RAP1A: variants seen among roughly 807,000 people sequenced by gnomAD.
The protein encoded by RAP1A is ras-related protein Rap-1A.
RAP1A carries 6 observed loss-of-function variants against 26.4 expected under a neutral mutation model. That is an observed-to-expected ratio of 0.23 (90% confidence interval 0.12 to 0.45). The LOEUF is 0.45. Ranked by LOEUF, RAP1A falls within the 20% of genes least tolerant of loss-of-function variation. The probability of loss-of-function intolerance (pLI) is 0.99; values close to 1 mark genes in which losing one functional copy is unlikely to be tolerated. For synonymous variants in RAP1A, 73 were observed against 79.4 expected (o/e 0.92, Z 0.43); for missense variants, 121 against 217.2 (o/e 0.56, Z 2.78).
chr1:111,544,144 G>A lies in RAP1A; in HGVS notation c.-28+1635G>A, dbSNP rs564168418. On this transcript the variant is annotated intron_variant, in intron 1 of 7. Coordinates refer to the RAP1A transcript ENST00000356415. ...TTCAAACTAACTTATCTCTGTTAAT[G>A]CAATATTATTCTCTAAATTTACGCA... is the stretch of plus-strand genomic sequence containing the variant. Among the ~76,000 whole-genome samples, 5 of 152,226 alleles carry A rather than the reference G, an allele frequency of 3.3e-5. No homozygotes were observed. In the South Asian group the frequency reaches 1.0e-3, roughly 32 times the overall value.
intron 1 of RAP1A, among the ~76,000 whole-genome samples, chr1:111,661,785 C>T (rs1040096045): frequency 1.4e-5 from 2 of 139,432 alleles, no homozygotes; most frequent in African/African-American, 5.4e-5. Flanking sequence ...GGCGACAGAA[C>T]GAAACTCCGT....
At chr1:111,547,411 C>T (rs1049177381) in intron 1 of RAP1A, among the ~76,000 whole-genome samples, 12 of 152,000 alleles carry the variant, frequency 7.9e-5, no homozygotes, top group African/African-American at 2.7e-4. Context: ...TCAAATCAAT[C>T]TTTCATTTCT....
At chr1:111,569,754 T>C (rs1028642222) in intron 1 of RAP1A, among the ~76,000 whole-genome samples, 1 of 152,082 alleles carries the variant, frequency 6.6e-6, no homozygotes, top group African/African-American at 2.4e-5. Context: ...TTCCCAGAAG[T>C]CTTCAGATAG....
At chr1:111,620,772 A>G (rs748394425) in intron 1 of RAP1A, among the ~76,000 whole-genome samples, 2 of 152,096 alleles carry the variant, frequency 1.3e-5, no homozygotes, top group Non-Finnish European at 2.9e-5. Flanking sequence ...TTATCCTTCA[A>G]ACTAGCGGCT....
In RAP1A at chr1:111,714,108, T is replaced by TA. The variant is rs1288881242; in HGVS notation, c.*1710dup. 1.3e-5 allele frequency: 2 copies of TA among 152,382 alleles called. No individual in the cohort carries two copies. The highest frequency in any genetic ancestry group is 2.9e-5 in the Non-Finnish European group (2 of 68,036). 9.4% of individuals were successfully genotyped at this position (152,382 alleles called of 1,614,324 possible). A position where few individuals can be genotyped will look rare whatever the true frequency, so the allele number is the denominator to read the frequency against. On this transcript the variant is annotated 3_prime_UTR_variant, in exon 8 of 8. Coordinates refer to ENST00000369709, the MANE Select transcript of RAP1A (RefSeq NM_002884.4). The stretch of plus-strand genomic sequence containing the variant: ...AGCTTTGACCAACCTGAGAAAATGT[T>TA]AAAGTATTGTTTTTAAAAAAATGGA...
chr1:111,598,245 C>T (rs1658595329), intron 1 of RAP1A, among the ~76,000 whole-genome samples: 2 of 152,196 alleles, frequency 1.3e-5, no homozygotes, highest in Admixed American at 1.3e-4. Context: ...TGAGTGCTTA[C>T]TATGAGACAG....
intron 1 of RAP1A, among the ~76,000 whole-genome samples, chr1:111,607,840 G>A (rs1412120623): frequency 4.2e-5 from 5 of 118,380 alleles, no homozygotes; most frequent in Non-Finnish European, 5.4e-5. Flanking sequence ...CCTCCCTCCC[G>A]GACGGGGCGG....
chr1:111,649,319 G>A (rs1471898716), intron 1 of RAP1A: 14 of 427,552 alleles, frequency 3.3e-5, no homozygotes, highest in South Asian at 2.3e-4. Flanking sequence ...GCATTGAGGC[G>A]TTGCATGGTC....
intron 1 of RAP1A, among the ~76,000 whole-genome samples, chr1:111,575,577 G>A (rs1658132270): frequency 6.6e-6 from 1 of 152,108 alleles, no homozygotes; most frequent in Non-Finnish European, 1.5e-5. Flanking sequence ...TTTATATGTT[G>A]AAGTCAACCC....
intron 1 of RAP1A, among the ~76,000 whole-genome samples, chr1:111,559,395 A>T (rs891446220): frequency 6.6e-6 from 1 of 152,286 alleles, no homozygotes; most frequent in African/African-American, 2.4e-5. Flanking sequence ...CCTAAAAAAA[A>T]TCCTATTCTT....
At chr1:111,632,623 G>T (rs1659600296) in intron 1 of RAP1A, among the ~76,000 whole-genome samples, 1 of 151,948 alleles carries the variant, frequency 6.6e-6, no homozygotes, top group Non-Finnish European at 1.5e-5. Context: ...TTAGATATTG[G>T]AGCCTACGGC....
At chr1:111,617,680 C>T (rs1200973945), upstream of RAP1A, among the ~76,000 whole-genome samples, 2 of 151,210 alleles carry the variant, frequency 1.3e-5, no homozygotes, top group African/African-American at 4.9e-5. Flanking sequence ...GTGATCCACC[C>T]GCCTTGGCCT....
intron 1 of RAP1A, among the ~76,000 whole-genome samples, chr1:111,614,498 T>C (rs1045339856): frequency 6.6e-6 from 1 of 152,260 alleles, no homozygotes; most frequent in African/African-American, 2.4e-5. Flanking sequence ...ATGCTTTTCC[T>C]GTCAGTTCTA....
At chr1:111,628,579 TG>T (rs1659471172) in intron 1 of RAP1A, among the ~76,000 whole-genome samples, 1 of 152,174 alleles carries the variant, frequency 6.6e-6, no homozygotes, top group African/African-American at 2.4e-5. Flanking sequence ...GAAAAGCAGA[TG>T]AATTCGCTTG....
intron 1 of RAP1A, chr1:111,608,143 A>T (rs1437171642): frequency 5.9e-6 from 1 of 170,104 alleles, no homozygotes; most frequent in Non-Finnish European, 1.2e-5. Flanking sequence ...CACTTTTCAG[A>T]CGGGGCGGCT....
intron 1 of RAP1A, among the ~76,000 whole-genome samples, chr1:111,561,150 G>T (rs538565987): frequency 8.5e-5 from 13 of 152,130 alleles, no homozygotes; most frequent in Non-Finnish European, 1.6e-4. Context: ...TTGAGACAGG[G>T]TCTCCCTCTG....
chr1:111,569,035 A>G (rs1385283482), intron 1 of RAP1A, among the ~76,000 whole-genome samples: 1 of 152,192 alleles, frequency 6.6e-6, no homozygotes, highest in Admixed American at 6.5e-5. Flanking sequence ...TTGACTGTTT[A>G]TGTTGACTGT....
At chr1:111,552,785 C>A (rs1054825511) in intron 1 of RAP1A, among the ~76,000 whole-genome samples, 2 of 152,120 alleles carry the variant, frequency 1.3e-5, no homozygotes, top group East Asian at 3.8e-4. Context: ...ACTTTTTATG[C>A]CTCAGTTTTA....
At chr1:111,649,656 A>G (rs1306556796) in intron 1 of RAP1A, 1 of 164,952 alleles carries the variant, frequency 6.1e-6, no homozygotes, top group Non-Finnish European at 1.3e-5. Context: ...GTTGATAATC[A>G]AAACTTTATT....
Sources: allele counts gnomAD v4.1 joint callset (sites outside exome capture counted in the v4.1 genomes callset), GRCh38; gene constraint gnomAD v4.1.1; transcripts MANE v1.5; gene names NCBI Gene and HGNC (gene_info 2026-07-23, HGNC 2026-07-21).